PLCXD3: variants seen among roughly 807,000 people sequenced by gnomAD.
The protein encoded by PLCXD3 is phosphatidylinositol specific phospholipase C X domain containing 3.
Under a neutral mutation model 25.5 loss-of-function variants are expected in PLCXD3, and 19 were observed. That is an observed-to-expected ratio of 0.75 (90% CI 0.52 to 1.09). PLCXD3 has a LOEUF of 1.09. PLCXD3 is among the 50% of genes least tolerant of loss of function. The probability of loss-of-function intolerance (pLI) is 0.00; values close to 1 mark genes in which losing one functional copy is unlikely to be tolerated. For missense variants in PLCXD3, 411 were observed against 388.1 expected (o/e 1.06, Z -0.50); for synonymous variants, 174 against 137.6 (o/e 1.26, Z -1.85).
At chr5:41,398,792 A>G (rs905616859) in intron 1 of PLCXD3, among the ~76,000 whole-genome samples, 3 of 152,138 alleles carry the variant, frequency 2.0e-5, no homozygotes, top group African/African-American at 7.2e-5. Flanking sequence ...TCTAAAATCT[A>G]GAACACAACA....
At chr5:41,465,162 A>G (rs1747984053) in intron 1 of PLCXD3, among the ~76,000 whole-genome samples, 1 of 151,854 alleles carries the variant, frequency 6.6e-6, no homozygotes, top group South Asian at 2.1e-4. Flanking sequence ...TGCTAAACGT[A>G]TGACATGTTT....
At chr5:41,456,205 G>A (rs1159718158) in intron 1 of PLCXD3, among the ~76,000 whole-genome samples, 1 of 151,922 alleles carries the variant, frequency 6.6e-6, no homozygotes, top group African/African-American at 2.4e-5. Context: ...ATTTATTCAT[G>A]TAGATAGATA....
intron 1 of PLCXD3, among the ~76,000 whole-genome samples, chr5:41,383,027 C>T (rs1385459378): frequency 1.3e-5 from 2 of 151,976 alleles, no homozygotes; most frequent in East Asian, 1.9e-4. Context: ...TCATTCACTT[C>T]GGAAGGCACA....
intron 1 of PLCXD3, among the ~76,000 whole-genome samples, chr5:41,448,687 T>C (rs73079745): frequency 0.011 from 1,687 of 152,308 alleles, 27 homozygotes; most frequent in African/African-American, 0.038. Flanking sequence ...CTTCTTTCCC[T>C]ACCTCTTTTT....
At chr5:41,421,082 G>C (rs1746809034) in intron 1 of PLCXD3, among the ~76,000 whole-genome samples, 1 of 152,096 alleles carries the variant, frequency 6.6e-6, no homozygotes, top group Non-Finnish European at 1.5e-5. Context: ...AAGCCCTAAA[G>C]AAGTTATTTT....
At chr5:41,380,754 T>C (rs1206951502) in intron 2 of PLCXD3, among the ~76,000 whole-genome samples, 2 of 152,160 alleles carry the variant, frequency 1.3e-5, no homozygotes, top group African/African-American at 2.4e-5. Context: ...GAAATGTCAG[T>C]GAAAGATAAA....
intron 2 of PLCXD3, among the ~76,000 whole-genome samples, chr5:41,326,009 C>A (rs899186868): frequency 2.6e-5 from 4 of 152,190 alleles, no homozygotes; most frequent in Non-Finnish European, 5.9e-5. Context: ...CATGGGGACT[C>A]TGCCCTCACA....
At chr5:41,350,731 A>C (rs2150480864) in intron 2 of PLCXD3, among the ~76,000 whole-genome samples, 1 of 152,310 alleles carries the variant, frequency 6.6e-6, no homozygotes, top group African/African-American at 2.4e-5. Context: ...AGTTCCAAAG[A>C]GCTTTATGAA....
intron 1 of PLCXD3, among the ~76,000 whole-genome samples, chr5:41,494,057 C>G (rs1748781585): frequency 1.3e-5 from 2 of 152,194 alleles, no homozygotes; most frequent in Admixed American, 1.3e-4. Context: ...TAGACCAGAG[C>G]TGTTCCTATT....
At chr5:41,413,283 G>A (rs1002970928) in intron 1 of PLCXD3, among the ~76,000 whole-genome samples, 18 of 152,148 alleles carry the variant, frequency 1.2e-4, no homozygotes, top group African/African-American at 3.6e-4. Context: ...GGATGGCTGC[G>A]AGCTGGCTCA....
rs536676154 is a variant in PLCXD3 at position 41,441,374 on chromosome 5, T to C, written c.104-58840A>G. The stretch of plus-strand genomic sequence containing the variant: ...CTCCACCACAGTTTTCAAGATCATT[T>C]TGCATGGAAAAGAAGAAATGCATTG... On this transcript the variant is annotated intron_variant, in intron 1 of 2. Transcript: ENST00000377801. 3.3e-5 allele frequency among the ~76,000 whole-genome samples: 5 copies of C among 152,344 alleles called. No homozygotes were observed. In the South Asian group the frequency reaches 1.0e-3, roughly 32 times the overall value.
At chr5:41,442,078 AAGATTCTAGACTC>A (rs2150511842) in intron 1 of PLCXD3, among the ~76,000 whole-genome samples, 1 of 152,350 alleles carries the variant, frequency 6.6e-6, no homozygotes, top group African/African-American at 2.4e-5. Flanking sequence ...AGATCAGCAA[AAGATTCTAGACTC>A]TTATTGAGAT....
At chr5:41,506,232 CT>C (rs1341336942) in intron 1 of PLCXD3, among the ~76,000 whole-genome samples, 2 of 152,172 alleles carry the variant, frequency 1.3e-5, no homozygotes, top group Non-Finnish European at 2.9e-5. Flanking sequence ...TAGGAAGACA[CT>C]TTGTGAATGG....
At chr5:41,461,883 T>C (rs2150517195) in intron 1 of PLCXD3, among the ~76,000 whole-genome samples, 1 of 152,098 alleles carries the variant, frequency 6.6e-6, no homozygotes, top group East Asian at 1.9e-4. Context: ...TATATTCCTA[T>C]GTTTCCATTA....
At position 41,381,853 on chromosome 5, in the gene PLCXD3, C is replaced by T. The variant is rs1423697374; in HGVS notation, c.785G>A (p.Ser262Asn). ...TTCTGTGATTGTTTCTCTGAGGCCACTTGCCACCCCTTTGACCACAGTGCT... is the reference window on the plus strand; with the variant it reads ...TTCTGTGATTGTTTCTCTGAGGCCATTTGCCACCCCTTTGACCACAGTGCT... ...KASTVVKGVA[S>N]GLRETITERA... The change falls in exon 2 of 3, where the codon AGT becomes AAT. Residue 262 changes from serine to asparagine, a missense_variant. Transcript: ENST00000377801. The T allele has an allele frequency of 3.1e-6, 5 of 1,610,354 alleles. No individual in the cohort carries two copies. Among genetic ancestry groups the T allele is most frequent in the Non-Finnish European group, 4.2e-6 (5 of 1,178,666 alleles).
chr5:41,417,986 A>G (rs1029613534), intron 1 of PLCXD3, among the ~76,000 whole-genome samples: 1 of 152,244 alleles, frequency 6.6e-6, no homozygotes, highest in Non-Finnish European at 1.5e-5. Context: ...GTTAGTTTTA[A>G]GAATTCAAAT....
intron 1 of PLCXD3, among the ~76,000 whole-genome samples, chr5:41,483,514 G>A (rs1306170215): frequency 1.3e-5 from 2 of 152,076 alleles, no homozygotes; most frequent in Non-Finnish European, 1.5e-5. Flanking sequence ...AATACATAAA[G>A]TGCTTTATAA....
chr5:41,337,340 C>T (rs1319237200), intron 2 of PLCXD3, among the ~76,000 whole-genome samples: 1 of 152,100 alleles, frequency 6.6e-6, no homozygotes, highest in East Asian at 1.9e-4. Context: ...AGCTACCTCT[C>T]AGAAAACATT....
At chr5:41,360,362 A>C (rs1396913851) in intron 2 of PLCXD3, among the ~76,000 whole-genome samples, 1 of 152,192 alleles carries the variant, frequency 6.6e-6, no homozygotes, top group Non-Finnish European at 1.5e-5. Flanking sequence ...CTGGCAATTA[A>C]GAGATTTCAT....
Sources: gnomAD v4.1 joint callset for allele counts (sites outside exome capture counted in the v4.1 genomes callset) on GRCh38, gnomAD v4.1.1 for gene constraint, MANE v1.5 for transcripts, NCBI Gene and HGNC (gene_info 2026-07-23, HGNC 2026-07-21) for gene names.